ANK2: variants seen among roughly 807,000 people sequenced by gnomAD.
The protein encoded by ANK2 is ankyrin 2.
Under a neutral mutation model 360.5 loss-of-function variants are expected in ANK2, and 83 were observed. That is an observed-to-expected ratio of 0.23 (90% CI 0.19 to 0.28). ANK2 has a LOEUF of 0.28. ANK2 is among the 10% of genes least tolerant of loss of function. The pLI, the probability that ANK2 is intolerant of heterozygous loss-of-function variation, is 1.00. For synonymous variants in ANK2, 1,740 were observed against 1,759.5 expected (o/e 0.99, Z 0.28); for missense variants, 4,201 against 4,795.7 (o/e 0.88, Z 3.66).
the ANK2 span, among the ~76,000 whole-genome samples, chr4:112,749,002 C>T: frequency 6.6e-6 from 1 of 152,210 alleles, no homozygotes; most frequent in Non-Finnish European, 1.5e-5. Context: ...CGGGTTCAAG[C>T]CATTCTCGGG....
intron 2 of ANK2, among the ~76,000 whole-genome samples, chr4:113,019,676 T>G (rs551137671): frequency 6.6e-6 from 1 of 152,272 alleles, no homozygotes; most frequent in South Asian, 2.1e-4. Context: ...TCAACAAAAT[T>G]TCAGTACTTC....
chr4:113,238,738 G>T (rs2099403033), intron 7 of ANK2, among the ~76,000 whole-genome samples: 1 of 152,124 alleles, frequency 6.6e-6, no homozygotes, highest in African/African-American at 2.4e-5. Flanking sequence ...AAAAAGAAGA[G>T]AAACCCCTTC....
the ANK2 span, among the ~76,000 whole-genome samples, chr4:112,712,688 T>C: frequency 6.6e-6 from 1 of 152,230 alleles, no homozygotes; most frequent in African/African-American, 2.4e-5. Context: ...ATTACAGGCA[T>C]GAGCCACTGC....
chr4:112,930,681 G>A (rs2093119022), intron 2 of ANK2, among the ~76,000 whole-genome samples: 1 of 152,040 alleles, frequency 6.6e-6, no homozygotes, highest in Non-Finnish European at 1.5e-5. Flanking sequence ...GAGGTCAGGA[G>A]TTCAAGACCA....
At position 113,027,463 on chromosome 4, in the gene ANK2, C is replaced by T. The variant is rs548475876; in HGVS notation, c.21+122949C>T. ...GATTATTTTTGCTGATTGTTCAGAACCTGATCTCTGCCTGTTTACCTGCAG... is the reference window on the plus strand; with the variant it reads ...GATTATTTTTGCTGATTGTTCAGAATCTGATCTCTGCCTGTTTACCTGCAG... On this transcript the variant is annotated intron_variant, in intron 2 of 30. Transcript: ENST00000503271. Among the ~76,000 whole-genome samples, 15 of 152,160 alleles carry T rather than the reference C, an allele frequency of 9.9e-5. No individual in the cohort carries two copies. The South Asian group carries it at 2.7e-3, about 27-fold the overall frequency.
At chr4:113,348,200 T>C (rs2095087636) in intron 35 of ANK2, 76 bp from the exon 36 acceptor site, 1 of 1,475,528 alleles carries the variant, frequency 6.8e-7, no homozygotes, top group Non-Finnish European at 9.5e-7. Context: ...TTATTTACTC[T>C]TTCCTTTTCT....
intron 23 of ANK2, among the ~76,000 whole-genome samples, chr4:113,306,476 T>A (rs1019086349): frequency 6.6e-6 from 1 of 152,202 alleles, no homozygotes; most frequent in Non-Finnish European, 1.5e-5. Context: ...CACGATACCT[T>A]AAAGATTTCA....
the ANK2 span, chr4:112,789,020 A>G: frequency 6.0e-6 from 3 of 503,972 alleles, no homozygotes; most frequent in Non-Finnish European, 1.0e-5. Context: ...CATGGATTCT[A>G]TGTAATAGAT....
At chr4:112,873,619 C>T (rs2074014589) in intron 1 of ANK2, among the ~76,000 whole-genome samples, 1 of 150,446 alleles carries the variant, frequency 6.6e-6, no homozygotes, top group Admixed American at 6.6e-5. Flanking sequence ...TCACTGCAAG[C>T]TCCGCCTCCC....
chr4:112,793,706 CTTT>C, the ANK2 span, among the ~76,000 whole-genome samples: 23 of 134,792 alleles, frequency 1.7e-4, no homozygotes, highest in East Asian at 2.1e-4. Context: ...ATTTTCTTTT[CTTT>C]TTTTTTTTTT....
chr4:113,135,094 C>T lies in ANK2; in HGVS notation c.85-39322C>T, dbSNP rs536425409. Among the ~76,000 whole-genome samples the T allele has an allele frequency of 1.1e-3, 174 of 152,244 alleles. 2 individuals are homozygous for T. Among genetic ancestry groups the T allele is most frequent in the African/African-American group, 3.9e-3 (164 of 41,522 alleles). On this transcript the variant is annotated intron_variant, in intron 1 of 45. Transcript: ENST00000357077. The stretch of plus-strand genomic sequence containing the variant: ...GTCATGAACACAAGTAGAAAATGCA[C>T]ATCTTTCTGTGAGTATTTATTGTAG...
Position 113,382,307 on chromosome 4 carries a change from C to T in ANK2, c.*836C>T, listed in dbSNP as rs1281553042. On this transcript the variant is annotated 3_prime_UTR_variant, in exon 46 of 46. Transcript: ENST00000357077. Reference sequence around the variant, plus strand: ...TATTGCTGGTGCTGGCCAGCCATGGCTTAGGACTCCAACAGCCACTCTGAG... The same window carrying T: ...TATTGCTGGTGCTGGCCAGCCATGGTTTAGGACTCCAACAGCCACTCTGAG... 5 of 153,936 alleles carry T rather than the reference C, an allele frequency of 3.2e-5. No individual in the cohort carries two copies. The highest frequency in any genetic ancestry group is 1.2e-4 in the African/African-American group (5 of 41,432). 9.5% of individuals were successfully genotyped at this position (153,936 alleles called of 1,614,324 possible). A position where few individuals can be genotyped will look rare whatever the true frequency, so the allele number is the denominator to read the frequency against.
chr4:112,783,837 GACGGGGTTTC>G, the ANK2 span, among the ~76,000 whole-genome samples: 3 of 151,914 alleles, frequency 2.0e-5, no homozygotes, highest in African/African-American at 7.3e-5. Context: ...TTTTAGTAGA[GACGGGGTTTC>G]ACCATGTTAG....
chr4:113,218,710 T>C (rs2099115523), intron 4 of ANK2, among the ~76,000 whole-genome samples: 1 of 152,200 alleles, frequency 6.6e-6, no homozygotes, highest in South Asian at 2.1e-4. Flanking sequence ...CATTTTATTT[T>C]CTCAAAGACA....
intron 1 of ANK2, 103 bp downstream of exon 1, chr4:113,049,915 G>A (rs2066175753): frequency 1.4e-6 from 2 of 1,393,502 alleles, no homozygotes; most frequent in Admixed American, 1.9e-5. Flanking sequence ...AGCATTATGA[G>A]TAACTGTAGA....
chr4:112,713,268 A>C, the ANK2 span, among the ~76,000 whole-genome samples: 1 of 152,104 alleles, frequency 6.6e-6, no homozygotes, highest in Non-Finnish European at 1.5e-5. Context: ...CAGATGAAGA[A>C]CATTTGGGTT....
At position 113,252,807 on chromosome 4, in the gene ANK2, C is replaced by A. The variant is rs569344190; in HGVS notation, c.991-2928C>A. ...GCATTTCACTCAATTAAATTCAACT[C>A]ACATTCATGCAATCAAATGTGGCTA... On this transcript the variant is annotated intron_variant, in intron 10 of 45. Transcript: ENST00000357077. Among the ~76,000 whole-genome samples, 4 of 152,296 alleles carry A rather than the reference C, an allele frequency of 2.6e-5. No individual in the cohort carries two copies. In the South Asian group the frequency reaches 8.3e-4, roughly 32 times the overall value.
chr4:113,102,160 G>A (rs2154360321), intron 1 of ANK2, among the ~76,000 whole-genome samples: 1 of 152,144 alleles, frequency 6.6e-6, no homozygotes, highest in South Asian at 2.1e-4. Flanking sequence ...GGATGTTATG[G>A]TTATAGACCT....
chr4:112,850,602 C>T (rs1453007918), intron 1 of ANK2, among the ~76,000 whole-genome samples: 1 of 143,560 alleles, frequency 7.0e-6, no homozygotes, highest in South Asian at 2.2e-4. Context: ...CTGCAAGCTC[C>T]GCCTCCCAGA....
Sources: allele counts gnomAD v4.1 joint callset (sites outside exome capture counted in the v4.1 genomes callset), GRCh38; gene constraint gnomAD v4.1.1; transcripts MANE v1.5; gene names NCBI Gene and HGNC (gene_info 2026-07-23, HGNC 2026-07-21).